VAV3: variants seen among roughly 807,000 people sequenced by gnomAD.
VAV3 encodes the protein vav guanine nucleotide exchange factor 3, also known as guanine nucleotide exchange factor VAV3.
In VAV3, 94 loss-of-function variants were observed where a neutral mutation model predicts 131.2. The ratio of observed to expected loss-of-function variants is 0.72; its 90% CI spans 0.61 to 0.85. VAV3 has a LOEUF of 0.85. Ranked by LOEUF, VAV3 falls within the 40% of genes least tolerant of loss-of-function variation. The pLI is 0.00. For synonymous variants in VAV3, 349 were observed against 342.0 expected (o/e 1.02, Z -0.22); for missense variants, 939 against 1,002.7 (o/e 0.94, Z 0.86).
At chr1:107,600,710 T>C (rs562955888) in intron 24 of VAV3, among the ~76,000 whole-genome samples, 2 of 152,336 alleles carry the variant, frequency 1.3e-5, no homozygotes, top group East Asian at 1.9e-4. Context: ...CATGTATCTA[T>C]GTCTACCAAT....
chr1:107,794,467 CTTGA>C (rs907170835), intron 2 of VAV3, among the ~76,000 whole-genome samples: 20 of 152,244 alleles, frequency 1.3e-4, no homozygotes, highest in African/African-American at 4.8e-4. Context: ...AAAAAATTCT[CTTGA>C]TTTTGATTTA....
chr1:107,631,977 T>C (rs913833911), intron 20 of VAV3, among the ~76,000 whole-genome samples: 4 of 152,084 alleles, frequency 2.6e-5, no homozygotes, highest in Non-Finnish European at 4.4e-5. Flanking sequence ...ATTTATAATC[T>C]TTTGGGTATA....
intron 20 of VAV3, among the ~76,000 whole-genome samples, chr1:107,632,904 C>T (rs985309611): frequency 1.3e-5 from 2 of 151,970 alleles, no homozygotes; most frequent in African/African-American, 4.8e-5. Context: ...CTATGATTCT[C>T]CTAAGTGTCT....
chr1:107,706,941 C>T (rs2101858299), intron 15 of VAV3, among the ~76,000 whole-genome samples: 1 of 152,274 alleles, frequency 6.6e-6, no homozygotes, highest in South Asian at 2.1e-4. Flanking sequence ...CACAGGCACA[C>T]ACATGAACAT....
intron 2 of VAV3, among the ~76,000 whole-genome samples, chr1:107,803,506 C>CCTTT: frequency 6.6e-6 from 1 of 151,820 alleles, no homozygotes; most frequent in African/African-American, 2.4e-5. Flanking sequence ...ATTCATTGAC[C>CCTTT]CTTTGGTCAT....
chr1:107,631,746 C>T (rs1005986146), intron 20 of VAV3, among the ~76,000 whole-genome samples: 4 of 150,014 alleles, frequency 2.7e-5, no homozygotes, highest in East Asian at 4.0e-4. Context: ...TTTGTCCTTG[C>T]GATAATTTGC....
At chr1:107,935,081 A>G (rs137959801) in intron 1 of VAV3, among the ~76,000 whole-genome samples, 20 of 152,348 alleles carry the variant, frequency 1.3e-4, no homozygotes, top group Non-Finnish European at 2.4e-4. Flanking sequence ...AAACATTCAT[A>G]TCAGCCAATT....
intron 1 of VAV3, among the ~76,000 whole-genome samples, chr1:107,944,633 C>G (rs1258590315): frequency 6.6e-6 from 1 of 152,188 alleles, no homozygotes; most frequent in Non-Finnish European, 1.5e-5. Context: ...GAGACAGAGT[C>G]TCACTCTGTC....
At chr1:107,779,410 A>T (rs1167333279) in intron 3 of VAV3, 24 bp downstream of exon 3, 1 of 1,567,956 alleles carries the variant, frequency 6.4e-7, no homozygotes, top group Non-Finnish European at 8.6e-7. Context: ...AATGGGACAC[A>T]TGAACAACGA....
intron 2 of VAV3, among the ~76,000 whole-genome samples, chr1:107,804,766 T>TTG (rs2102312439): frequency 6.6e-6 from 1 of 152,202 alleles, no homozygotes; most frequent in Admixed American, 6.5e-5. Flanking sequence ...TTTTGGTTTT[T>TTG]TTTGTTTGTT....
At chr1:107,665,264 G>A (rs1302456941) in intron 19 of VAV3, among the ~76,000 whole-genome samples, 2 of 152,146 alleles carry the variant, frequency 1.3e-5, no homozygotes, top group East Asian at 1.9e-4. Context: ...AAATATGGGG[G>A]TTGAGAGTGG....
intron 6 of VAV3, among the ~76,000 whole-genome samples, chr1:107,768,748 C>G (rs1300613862): frequency 6.6e-6 from 1 of 152,016 alleles, no homozygotes; most frequent in Non-Finnish European, 1.5e-5. Flanking sequence ...ATGGTTTAGA[C>G]AATAAATGCT....
At chr1:107,683,220 G>A (rs539665331) in intron 19 of VAV3, among the ~76,000 whole-genome samples, 36 of 152,288 alleles carry the variant, frequency 2.4e-4, no homozygotes, top group South Asian at 1.5e-3. Flanking sequence ...CTGGATATGT[G>A]AGCATTAACC....
chr1:107,591,997 C>G (rs977208534), intron 25 of VAV3, among the ~76,000 whole-genome samples: 2 of 151,952 alleles, frequency 1.3e-5, no homozygotes, highest in Non-Finnish European at 2.9e-5. Context: ...CATATATACA[C>G]ACATATTTTA....
chr1:107,696,028 T>C lies in VAV3; in HGVS notation c.1706-7622A>G, dbSNP rs190225584. On this transcript the variant is annotated intron_variant, in intron 17 of 26. Coordinates refer to ENST00000370056, the MANE Select transcript of VAV3 (RefSeq NM_006113.5). The stretch of plus-strand genomic sequence containing the variant: ...CCCTCTTAAATTTTTTATTTTATTA[T>C]CTTTAATTGACACATTCAAAGCCAG... Among the ~76,000 whole-genome samples the C allele has an allele frequency of 2.1e-3, 323 of 152,326 alleles. 2 individuals carry two copies. Among genetic ancestry groups the C allele is most frequent in the Non-Finnish European group, 3.0e-3 (206 of 68,018 alleles).
chr1:107,588,765 G>A (rs1650703753), intron 25 of VAV3, among the ~76,000 whole-genome samples: 1 of 152,174 alleles, frequency 6.6e-6, no homozygotes, highest in Admixed American at 6.5e-5. Flanking sequence ...TACTCCATTG[G>A]AGATATTGAT....
intron 20 of VAV3, among the ~76,000 whole-genome samples, chr1:107,635,737 A>G (rs1570656607): frequency 6.6e-6 from 1 of 152,198 alleles, no homozygotes; most frequent in Non-Finnish European, 1.5e-5. Flanking sequence ...CCACCATCCC[A>G]ATATCCCTAA....
intron 2 of VAV3, among the ~76,000 whole-genome samples, chr1:107,867,824 G>C (rs986280649): frequency 1.3e-5 from 2 of 152,252 alleles, no homozygotes; most frequent in Non-Finnish European, 2.9e-5. Flanking sequence ...CCCAAATGCC[G>C]CTCTGAGACT....
chr1:107,848,312 C>CAAAAAAAAAA (rs34249858), intron 2 of VAV3, among the ~76,000 whole-genome samples: 1 of 92,174 alleles, frequency 1.1e-5, no homozygotes, highest in African/African-American at 4.2e-5. Context: ...GACTCCGTCT[C>CAAAAAAAAAA]AAAAAAAAAA....
Sources: allele counts gnomAD v4.1 joint callset (sites outside exome capture counted in the v4.1 genomes callset), GRCh38; gene constraint gnomAD v4.1.1; transcripts MANE v1.5; gene names NCBI Gene and HGNC (gene_info 2026-07-23, HGNC 2026-07-21).